The following GALNT13 variants were observed in gnomAD, a reference collection of about 807,000 sequenced individuals.
GALNT13 encodes polypeptide N-acetylgalactosaminyltransferase 13, also known as UDP-GalNAc:polypeptide N-acetylgalactosaminyltransferase 13.
In GALNT13, 28 loss-of-function variants were observed where a neutral mutation model predicts 64.2. The ratio of observed to expected loss-of-function variants is 0.44; its 90% confidence interval spans 0.32 to 0.60. The LOEUF is 0.60. GALNT13 is among the 20% of genes least tolerant of loss of function. GALNT13 has a pLI of 0.05. For missense variants in GALNT13, 577 were observed against 669.8 expected (o/e 0.86, Z 1.53); for synonymous variants, 214 against 224.6 (o/e 0.95, Z 0.42).
intron 2 of GALNT13, among the ~76,000 whole-genome samples, chr2:153,909,669 G>C (rs1430351514): frequency 1.3e-5 from 2 of 152,050 alleles, no homozygotes; most frequent in African/African-American, 4.8e-5. Flanking sequence ...CATCTTTTCA[G>C]CTTCTATTGC....
At chr2:154,410,606 C>T (rs1166303950) in intron 11 of GALNT13, among the ~76,000 whole-genome samples, 1 of 151,898 alleles carries the variant, frequency 6.6e-6, no homozygotes, top group Non-Finnish European at 1.5e-5. Flanking sequence ...AAATGTGTTA[C>T]TTGGACATCC....
chr2:153,804,458 T>C, the GALNT13 span, among the ~76,000 whole-genome samples: 298 of 152,300 alleles, frequency 2.0e-3, 1 homozygote, highest in Non-Finnish European at 3.5e-3. Context: ...ATTATAGGCA[T>C]GAGCCACAGC....
At chr2:153,118,218 G>A in the GALNT13 span, among the ~76,000 whole-genome samples, 1 of 150,692 alleles carries the variant, frequency 6.6e-6, no homozygotes, top group Non-Finnish European at 1.5e-5. Flanking sequence ...GTGCACAAAG[G>A]CATTTTCTCC....
chr2:154,125,496 A>G (rs1384224391), intron 3 of GALNT13, among the ~76,000 whole-genome samples: 1 of 152,178 alleles, frequency 6.6e-6, no homozygotes, highest in East Asian at 1.9e-4. Context: ...TAAATGTGTA[A>G]TTTACATAAA....
At chr2:153,568,319 G>A in the GALNT13 span, among the ~76,000 whole-genome samples, 3 of 152,272 alleles carry the variant, frequency 2.0e-5, no homozygotes, top group East Asian at 3.9e-4. Context: ...CTGGACTCAC[G>A]TGATTCTCTC....
rs571557843 is a variant in GALNT13 at position 153,879,202 on chromosome 2, A to G, written c.-177+6899A>G. Reference sequence around the variant, plus strand: ...TGCTTTGCAGATATTGATTCATTTAATCATAAAGACCTTCAAAAGTAGATT... The same window carrying G: ...TGCTTTGCAGATATTGATTCATTTAGTCATAAAGACCTTCAAAAGTAGATT... On this transcript the variant is annotated intron_variant, in intron 1 of 12. Transcript: ENST00000392825. Among the ~76,000 whole-genome samples the G allele has an allele frequency of 7.9e-5, 12 of 152,332 alleles. No individual in the cohort carries two copies. The South Asian group carries it at 2.3e-3, about 29-fold the overall frequency.
At chr2:154,086,283 A>G (rs1218654644) in intron 3 of GALNT13, among the ~76,000 whole-genome samples, 1 of 146,804 alleles carries the variant, frequency 6.8e-6, no homozygotes, top group Non-Finnish European at 1.5e-5. Flanking sequence ...CTCCTTCCCC[A>G]CACTTACCTG....
intron 2 of GALNT13, among the ~76,000 whole-genome samples, chr2:153,941,239 G>A (rs915839013): frequency 6.6e-6 from 1 of 151,900 alleles, no homozygotes; most frequent in South Asian, 2.1e-4. Flanking sequence ...CAGATGATCC[G>A]CCCGCCTCAG....
At chr2:153,336,839 C>T in the GALNT13 span, among the ~76,000 whole-genome samples, 1 of 152,086 alleles carries the variant, frequency 6.6e-6, no homozygotes, top group African/African-American at 2.4e-5. Flanking sequence ...AATTGTGTCT[C>T]CCAGAATTCC....
At chr2:153,803,691 C>CAAAAAAAA in the GALNT13 span, among the ~76,000 whole-genome samples, 5 of 104,800 alleles carry the variant, frequency 4.8e-5, no homozygotes, top group Non-Finnish European at 7.3e-5. Flanking sequence ...GACTCTGTCT[C>CAAAAAAAA]AAAAAAAAAA....
chr2:153,088,361 G>A, the GALNT13 span, among the ~76,000 whole-genome samples: 1 of 152,176 alleles, frequency 6.6e-6, no homozygotes, highest in South Asian at 2.1e-4. Context: ...TAAGTTTATT[G>A]AGGCTTTTTT....
intron 11 of GALNT13, among the ~76,000 whole-genome samples, chr2:154,420,831 A>G (rs895727733): frequency 1.3e-5 from 2 of 152,086 alleles, no homozygotes; most frequent in Admixed American, 1.3e-4. Flanking sequence ...TTTCTAAATT[A>G]ACAGCGTTGC....
intron 4 of GALNT13, among the ~76,000 whole-genome samples, chr2:154,151,024 G>A (rs2105620978): frequency 6.6e-6 from 1 of 152,178 alleles, no homozygotes; most frequent in East Asian, 1.9e-4. Flanking sequence ...GTGATGTTAG[G>A]GGGTCAATTT....
chr2:154,010,989 G>A (rs1696596076), intron 3 of GALNT13, among the ~76,000 whole-genome samples: 1 of 150,832 alleles, frequency 6.6e-6, no homozygotes, highest in Non-Finnish European at 1.5e-5. Context: ...GATCTTCTCT[G>A]TTTTTTTCTT....
downstream of GALNT13, among the ~76,000 whole-genome samples, chr2:154,455,610 A>G (rs914379435): frequency 6.6e-6 from 1 of 152,144 alleles, no homozygotes; most frequent in Non-Finnish European, 1.5e-5. Context: ...TGTATAGTAC[A>G]TGGACACATC....
the GALNT13 span, among the ~76,000 whole-genome samples, chr2:153,661,876 A>G: frequency 6.6e-6 from 1 of 152,318 alleles, no homozygotes; most frequent in East Asian, 1.9e-4. Context: ...TAACATTTTC[A>G]TCATAAGCAT....
the GALNT13 span, among the ~76,000 whole-genome samples, chr2:153,842,057 T>C: frequency 1.3e-5 from 2 of 151,880 alleles, no homozygotes; most frequent in African/African-American, 4.8e-5. Context: ...AGAGATTCTG[T>C]TTCCCATAAT....
intron 9 of GALNT13, among the ~76,000 whole-genome samples, chr2:154,330,170 C>T (rs1406074827): frequency 6.6e-6 from 1 of 152,046 alleles, no homozygotes; most frequent in Admixed American, 6.6e-5. Flanking sequence ...ATCTAGGAAC[C>T]CAGGCTAGTA....
At chr2:153,072,950 C>T in the GALNT13 span, among the ~76,000 whole-genome samples, 1 of 152,118 alleles carries the variant, frequency 6.6e-6, no homozygotes, top group African/African-American at 2.4e-5. Flanking sequence ...TATTTTTATG[C>T]GGTAGCATGT....
Sources: gnomAD v4.1 joint callset for allele counts (sites outside exome capture counted in the v4.1 genomes callset) on GRCh38, gnomAD v4.1.1 for gene constraint, MANE v1.5 for transcripts, NCBI Gene and HGNC (gene_info 2026-07-23, HGNC 2026-07-21) for gene names.